Variants in CD8B2 observed in about 807,000 individuals in gnomAD.
CD8B2 encodes the protein CD8B family member 2.
In CD8B2, 11 loss-of-function variants were observed where a neutral mutation model predicts 23.7. That is an observed-to-expected ratio of 0.46 (90% CI 0.29 to 0.77). The LOEUF (loss-of-function observed/expected upper bound fraction) is 0.77. Among genes scored for constraint, CD8B2 ranks in the 30% least tolerant of loss-of-function variants. The pLI is 0.09. For missense variants in CD8B2, 197 were observed against 270.5 expected, an observed-to-expected ratio of 0.73 and a Z score of 1.91; for synonymous variants, 90 against 109.3, an observed-to-expected ratio of 0.82 and a Z score of 1.10.
At chr2:106,498,449 C>T (rs1287185486) in intron 3 of CD8B2, among the ~76,000 whole-genome samples, 5 of 151,990 alleles carry the variant, frequency 3.3e-5, no homozygotes, top group Non-Finnish European at 5.9e-5. Context: ...CGCCTGGCCT[C>T]TTGCATCATT....
At chr2:106,494,868 A>G (rs1679268036) in intron 2 of CD8B2, among the ~76,000 whole-genome samples, 1 of 152,138 alleles carries the variant, frequency 6.6e-6, no homozygotes, top group African/African-American at 2.4e-5. Context: ...AACTTCCCTT[A>G]GCTCTGATAT....
intron 5 of CD8B2, among the ~76,000 whole-genome samples, chr2:106,542,571 G>C (rs963581159): frequency 1.3e-5 from 2 of 149,514 alleles, no homozygotes; most frequent in Admixed American, 6.7e-5. Flanking sequence ...GACAACTTTG[G>C]GTAGACCAGA....
At chr2:106,516,887 C>A (rs1378890722) in intron 5 of CD8B2, among the ~76,000 whole-genome samples, 1 of 148,574 alleles carries the variant, frequency 6.7e-6, no homozygotes. Context: ...TATTAATATG[C>A]ATTATTCATA....
intron 5 of CD8B2, among the ~76,000 whole-genome samples, chr2:106,523,587 G>C (rs182288191): frequency 1.3e-5 from 2 of 152,296 alleles, no homozygotes; most frequent in South Asian, 4.1e-4. Context: ...GGCTTTCTAG[G>C]GTTGGTCCTA....
intron 5 of CD8B2, among the ~76,000 whole-genome samples, chr2:106,526,232 G>A (rs1179081585): frequency 7.0e-6 from 1 of 143,502 alleles, no homozygotes; most frequent in Admixed American, 7.1e-5. Context: ...GAAAGAGAGC[G>A]AGACTCCATC....
At chr2:106,526,605 T>C (rs1285583001) in intron 5 of CD8B2, among the ~76,000 whole-genome samples, 1 of 152,232 alleles carries the variant, frequency 6.6e-6, no homozygotes, top group African/African-American at 2.4e-5. Flanking sequence ...TTTCATTCTT[T>C]TTTATTGTCA....
Position 106,507,695 on chromosome 2 carries a change from C to T in CD8B2, c.*755C>T, listed in dbSNP as rs568620246. Reference sequence around the variant, plus strand: ...TCCTGTGACATAAACGTACGAAAGCCCATCTACAGCAAAGACATCAGTGCT... The same window carrying T: ...TCCTGTGACATAAACGTACGAAAGCTCATCTACAGCAAAGACATCAGTGCT... On this transcript the variant is annotated 3_prime_UTR_variant, in exon 6 of 6. Transcript: ENST00000643224. 2.6e-4 allele frequency: 243 copies of T among 920,754 alleles called. No homozygotes were observed. The highest frequency in any genetic ancestry group is 3.0e-4 in the Non-Finnish European group (234 of 771,226). The allele number at this position is 920,754 out of a possible 1,614,324, so 57.0% of individuals were successfully genotyped here.
At chr2:106,494,428 G>A (rs982608547) in intron 2 of CD8B2, among the ~76,000 whole-genome samples, 1 of 151,876 alleles carries the variant, frequency 6.6e-6, no homozygotes, top group East Asian at 1.9e-4. Flanking sequence ...GATTACAGGC[G>A]TGAGTCACCG....
chr2:106,504,423 C>T, intron 5 of CD8B2, 98 bp downstream of exon 5: 1 of 1,546,220 alleles, frequency 6.5e-7, no homozygotes, highest in Non-Finnish European at 8.7e-7. Flanking sequence ...ACCTCATCTT[C>T]CAAAGATCAT....
downstream of CD8B2, among the ~76,000 whole-genome samples, chr2:106,514,752 TTGTG>T (rs10692298): frequency 6.9e-6 from 1 of 145,400 alleles, no homozygotes. Context: ...GTTAAGACTT[TTGTG>T]TGTGTGTGTG....
At chr2:106,500,566 A>AATTAATTAATTT (rs1169560864) in intron 3 of CD8B2, among the ~76,000 whole-genome samples, 1 of 139,432 alleles carries the variant, frequency 7.2e-6, no homozygotes, top group African/African-American at 2.6e-5. Context: ...ATAAATAATT[A>AATTAATTAATTT]AAAAATACCA....
chr2:106,528,727 A>G (rs1211153966), intron 5 of CD8B2, among the ~76,000 whole-genome samples: 1 of 152,234 alleles, frequency 6.6e-6, no homozygotes, highest in Non-Finnish European at 1.5e-5. Context: ...TGTGGCAGAC[A>G]CTGTGGATTG....
intron 3 of CD8B2, among the ~76,000 whole-genome samples, chr2:106,498,242 G>A (rs1417751930): frequency 6.6e-6 from 1 of 151,692 alleles, no homozygotes; most frequent in Admixed American, 6.6e-5. Flanking sequence ...CCGCCTCCCA[G>A]GTTCAAGTGA....
intron 5 of CD8B2, among the ~76,000 whole-genome samples, chr2:106,539,724 C>T (rs891933421): frequency 1.3e-5 from 2 of 152,168 alleles, no homozygotes; most frequent in South Asian, 2.1e-4. Context: ...TGCTTGAATT[C>T]CAATTTCTTG....
chr2:106,515,827 CT>C (rs1216235947), downstream of CD8B2, among the ~76,000 whole-genome samples: 2 of 89,738 alleles, frequency 2.2e-5, no homozygotes, highest in African/African-American at 7.0e-5. Flanking sequence ...CTTTAGACTC[CT>C]CTTTTTTTTT....
At chr2:106,489,851 G>A (rs1280159439) in intron 1 of CD8B2, among the ~76,000 whole-genome samples, 2 of 152,154 alleles carry the variant, frequency 1.3e-5, no homozygotes, top group African/African-American at 4.8e-5. Flanking sequence ...TTCATAAGAA[G>A]ACAGAGGCTC....
intron 5 of CD8B2, among the ~76,000 whole-genome samples, chr2:106,516,524 G>A (rs1276501511): frequency 6.6e-6 from 1 of 152,176 alleles, no homozygotes; most frequent in Non-Finnish European, 1.5e-5. Flanking sequence ...TATCCCTCAA[G>A]CACTTATTGT....
intron 3 of CD8B2, among the ~76,000 whole-genome samples, chr2:106,501,093 T>C (rs1023046504): frequency 5.9e-5 from 9 of 152,188 alleles, no homozygotes; most frequent in Non-Finnish European, 1.2e-4. Context: ...CAATTTAAAA[T>C]GGGCAAAGTC....
chr2:106,526,244 CAA>C (rs34580273), intron 5 of CD8B2, among the ~76,000 whole-genome samples: 2,108 of 124,742 alleles, frequency 0.017, 34 homozygotes, highest in African/African-American at 0.04. Flanking sequence ...GACTCCATCT[CAA>C]AAAAAAAAAA....
Sources: allele counts gnomAD v4.1 joint callset (sites outside exome capture counted in the v4.1 genomes callset), GRCh38; gene constraint gnomAD v4.1.1; transcripts MANE v1.5; gene names NCBI Gene and HGNC (gene_info 2026-07-23, HGNC 2026-07-21).